The following ZPBP variants were observed in gnomAD, a reference collection of about 807,000 sequenced individuals.
ZPBP encodes the protein zona pellucida-binding protein 1.
ZPBP carries 26 observed loss-of-function variants against 44.8 expected under a neutral mutation model. That is an observed-to-expected ratio of 0.58 (90% CI 0.43 to 0.81). The LOEUF is 0.81. ZPBP is among the 30% of genes least tolerant of loss of function. ZPBP has a pLI of 0.00. For synonymous variants in ZPBP, 174 were observed against 153.2 expected, an observed-to-expected ratio of 1.14 and a Z score of -1.00; for missense variants, 409 against 434.0, an observed-to-expected ratio of 0.94 and a Z score of 0.51.
At chr7:49,973,437 A>C (rs1277913114) in intron 7 of ZPBP, among the ~76,000 whole-genome samples, 1 of 152,070 alleles carries the variant, frequency 6.6e-6, no homozygotes, top group Non-Finnish European at 1.5e-5. Context: ...TTGAAAAATC[A>C]CACATCTGAT....
At chr7:49,997,012 G>A (rs1055787073) in intron 6 of ZPBP, among the ~76,000 whole-genome samples, 5 of 152,142 alleles carry the variant, frequency 3.3e-5, no homozygotes, top group Non-Finnish European at 7.3e-5. Context: ...TGTAAAGTCT[G>A]GCCTACAGAG....
At chr7:49,881,955 G>T (rs1791684102) in intron 2 of ZPBP, among the ~76,000 whole-genome samples, 1 of 151,376 alleles carries the variant, frequency 6.6e-6, no homozygotes, top group Non-Finnish European at 1.5e-5. Context: ...AATTTGTCTT[G>T]AAAATAAATT....
intron 1 of ZPBP, among the ~76,000 whole-genome samples, chr7:49,907,206 C>T (rs916081223): frequency 1.3e-5 from 2 of 152,000 alleles, no homozygotes; most frequent in Non-Finnish European, 2.9e-5. Flanking sequence ...AAGTTACACT[C>T]GAAGGATAAA....
chr7:49,909,256 G>A (rs547517988), intron 1 of ZPBP, among the ~76,000 whole-genome samples: 1 of 152,284 alleles, frequency 6.6e-6, no homozygotes, highest in South Asian at 2.1e-4. Flanking sequence ...TGCAAAGCAC[G>A]ATGACAGATA....
rs1223125607 is a variant in ZPBP at position 49,980,093 on chromosome 7, A to G, written c.961+3249T>C. 3.7e-3 allele frequency among the ~76,000 whole-genome samples: 372 copies of G among 99,994 alleles called. 6 individuals are homozygous for G. The highest frequency in any genetic ancestry group is 0.015 in the African/African-American group (357 of 24,148). 65.6% of individuals were successfully genotyped at this position (99,994 alleles called of 152,430 possible). On this transcript the variant is annotated intron_variant, in intron 7 of 7. Transcript: ENST00000046087. ...TATAATATATATAATATAATTTTAT[A>G]TTATATATAATTATAATATAATTTT...
rs140342986 is a variant in ZPBP, at chr7:49,883,204, G to A, written n.509+17914C>T. The stretch of plus-strand genomic sequence containing the variant: ...TTGAGGAGAAGCAGGCAATGAAGTC[G>A]ACTGACCCGAACCTGCCAAGCGGAA... On this transcript the variant is annotated intron_variant and non_coding_transcript_variant, in intron 2 of 2. Transcript: ENST00000465922. Among the ~76,000 whole-genome samples, 464 of 152,108 alleles carry A rather than the reference G, an allele frequency of 3.1e-3. 2 individuals are homozygous for A. Among genetic ancestry groups the A allele is most frequent in the African/African-American group, 0.01 (434 of 41,508 alleles).
At chr7:50,091,304 C>T (rs1802982006) in intron 1 of ZPBP, among the ~76,000 whole-genome samples, 1 of 152,096 alleles carries the variant, frequency 6.6e-6, no homozygotes, top group African/African-American at 2.4e-5. Flanking sequence ...GCTGACTGTT[C>T]CGTTTGCTGT....
At chr7:49,853,809 C>T (rs1458762181) in intron 2 of ZPBP, among the ~76,000 whole-genome samples, 6 of 151,956 alleles carry the variant, frequency 3.9e-5, no homozygotes, top group East Asian at 3.9e-4. Flanking sequence ...TGGTGTGCTG[C>T]ACCCATTAAC....
intron 2 of ZPBP, among the ~76,000 whole-genome samples, chr7:49,861,110 A>G (rs975059286): frequency 6.6e-6 from 1 of 152,214 alleles, no homozygotes; most frequent in Non-Finnish European, 1.5e-5. Context: ...CCAGCAATGG[A>G]CAAGGGTTTC....
chr7:49,972,770 A>C (rs1455365425), intron 7 of ZPBP, among the ~76,000 whole-genome samples: 1 of 152,090 alleles, frequency 6.6e-6, no homozygotes, highest in African/African-American at 2.4e-5. Flanking sequence ...CACAAATAGA[A>C]CAATCTTAGA....
chr7:50,047,034 T>C (rs1291342704), intron 4 of ZPBP, among the ~76,000 whole-genome samples: 2 of 151,856 alleles, frequency 1.3e-5, no homozygotes, highest in Admixed American at 6.6e-5. Flanking sequence ...TTTCAGCAAA[T>C]TAACACAGGA....
intron 5 of ZPBP, among the ~76,000 whole-genome samples, chr7:50,027,111 C>T (rs1052731350): frequency 6.8e-6 from 1 of 147,618 alleles, no homozygotes; most frequent in African/African-American, 2.5e-5. Context: ...CCAAAACAAG[C>T]TGAATATGTA....
At chr7:50,077,608 G>A (rs550214553) in intron 3 of ZPBP, among the ~76,000 whole-genome samples, 2 of 151,916 alleles carry the variant, frequency 1.3e-5, no homozygotes, top group Admixed American at 1.3e-4. Context: ...CATTTCTCAA[G>A]AAGACATTCA....
At chr7:49,973,064 A>G (rs529625874) in intron 7 of ZPBP, among the ~76,000 whole-genome samples, 2 of 152,198 alleles carry the variant, frequency 1.3e-5, no homozygotes, top group South Asian at 2.1e-4. Context: ...TACACAGCAA[A>G]CAAGTAATTT....
At chr7:49,929,861 C>T (rs1042544322) in intron 1 of ZPBP, among the ~76,000 whole-genome samples, 9 of 152,112 alleles carry the variant, frequency 5.9e-5, no homozygotes, top group East Asian at 3.8e-4. Flanking sequence ...TGTGTATCAA[C>T]GCACACAAGT....
intron 1 of ZPBP, among the ~76,000 whole-genome samples, chr7:49,923,754 G>A (rs943829620): frequency 5.9e-5 from 9 of 151,820 alleles, no homozygotes; most frequent in South Asian, 4.2e-4. Flanking sequence ...TATTTCTTTC[G>A]GTGAATTTCT....
intron 2 of ZPBP, among the ~76,000 whole-genome samples, chr7:49,854,049 C>A (rs1437662154): frequency 1.3e-5 from 2 of 151,870 alleles, no homozygotes; most frequent in African/African-American, 4.8e-5. Context: ...TGAACTCATC[C>A]TTTTTTATGG....
At chr7:49,875,394 A>AAAAAAAAAAAC in intron 2 of ZPBP, among the ~76,000 whole-genome samples, 1 of 150,426 alleles carries the variant, frequency 6.6e-6, no homozygotes, top group East Asian at 1.9e-4. Flanking sequence ...AAAAAAAAAA[A>AAAAAAAAAAAC]AAACAGGAAT....
intron 3 of ZPBP, 82 bp downstream of exon 3, chr7:50,081,692 G>C: frequency 2.0e-6 from 3 of 1,492,108 alleles, no homozygotes; most frequent in Non-Finnish European, 2.8e-6. Flanking sequence ...ACATAAATAT[G>C]TATGAGATAC....
Sources: gnomAD v4.1 joint callset for allele counts (sites outside exome capture counted in the v4.1 genomes callset) on GRCh38, gnomAD v4.1.1 for gene constraint, MANE v1.5 for transcripts, NCBI Gene and HGNC (gene_info 2026-07-23, HGNC 2026-07-21) for gene names.